Variants in MTSS1 observed in about 807,000 individuals in gnomAD.
The protein encoded by MTSS1 is MTSS I-BAR domain containing 1.
A neutral mutation model predicts 79.0 loss-of-function variants in MTSS1; 18 were observed. The ratio of observed to expected loss-of-function variants is 0.23; its 90% CI spans 0.16 to 0.34. MTSS1 has a LOEUF of 0.34. Among genes scored for constraint, MTSS1 ranks in the 10% least tolerant of loss-of-function variants. MTSS1 has a pLI of 1.00. For synonymous variants in MTSS1, 341 were observed against 368.6 expected (o/e 0.93, Z 0.86); for missense variants, 815 against 986.2 (o/e 0.83, Z 2.33).
rs551852255 is a variant in MTSS1 at position 124,592,178 on chromosome 8, G to A, written c.209-943C>T. Among the ~76,000 whole-genome samples the A allele has an allele frequency of 3.9e-5, 6 of 152,234 alleles. No homozygotes were observed. The East Asian group carries it at 5.8e-4, about 15-fold the overall frequency. On this transcript the variant is annotated intron_variant, in intron 3 of 13. Transcript: ENST00000518547. Reference sequence around the variant, plus strand: ...AGTTGCAGCCCAGTTTGATTTTCCCGAAATTCTCATCATACTTTTCCCCTT... The same window carrying A: ...AGTTGCAGCCCAGTTTGATTTTCCCAAAATTCTCATCATACTTTTCCCCTT...
intron 3 of MTSS1, among the ~76,000 whole-genome samples, chr8:124,602,207 A>ACACACACACACACACATATATATATAT: frequency 7.0e-6 from 1 of 142,240 alleles, no homozygotes; most frequent in Non-Finnish European, 1.5e-5. Context: ...ATATATATAT[A>ACACACACACACACACATATATATATAT]ATTTTTTTTT....
chr8:124,573,827 C>T (rs1455065798), intron 6 of MTSS1, among the ~76,000 whole-genome samples: 3 of 152,154 alleles, frequency 2.0e-5, no homozygotes, highest in Non-Finnish European at 4.4e-5. Flanking sequence ...TGCTAGTTTC[C>T]AGGTCTTGTG....
In MTSS1 at chr8:124,696,278, C is replaced by T. The variant is rs186354912; in HGVS notation, c.208+3248G>A. Among the ~76,000 whole-genome samples, 366 of 152,218 alleles carry T rather than the reference C, an allele frequency of 2.4e-3. 1 individual carries two copies. Among genetic ancestry groups the T allele is most frequent in the African/African-American group, 8.5e-3 (351 of 41,538 alleles). On this transcript the variant is annotated intron_variant, in intron 3 of 13. Coordinates refer to ENST00000518547, the MANE Select transcript of MTSS1 (RefSeq NM_014751.6). ...CTGGGATTACAGGTGTGAGCCACTG[C>T]GCCCAGCCTACTTATTTCAATTTTT...
At chr8:124,555,032 C>T (rs1031770414) in intron 13 of MTSS1, among the ~76,000 whole-genome samples, 2 of 152,050 alleles carry the variant, frequency 1.3e-5, no homozygotes, top group African/African-American at 4.8e-5. Context: ...TCTGTAGAGA[C>T]AAGAGTTTTG....
rs73704196 is a variant in MTSS1 at position 124,694,218 on chromosome 8, C to A, written c.208+5308G>T. Among the ~76,000 whole-genome samples the A allele has an allele frequency of 8.2e-4, 125 of 152,168 alleles. 1 individual carries two copies. The highest frequency in any genetic ancestry group is 2.9e-3 in the African/African-American group (120 of 41,494). On this transcript the variant is annotated intron_variant, in intron 3 of 13. Transcript: ENST00000518547. ...ACACATCAGGGACTTGCGCGGAGTA[C>A]AGAGCGGACGACACACTCCCTCTTA...
Position 124,727,809 on chromosome 8 carries a change from C to G in MTSS1, c.72+75G>C, listed in dbSNP as rs1833959343. The G allele has an allele frequency of 3.8e-6, 5 of 1,331,604 alleles. No homozygotes were observed. Among genetic ancestry groups the G allele is most frequent in the Non-Finnish European group, 4.9e-6 (5 of 1,010,858 alleles). 82.5% of individuals were successfully genotyped at this position (1,331,604 alleles called of 1,614,324 possible). A position where few individuals can be genotyped will look rare whatever the true frequency, so the allele number is the denominator to read the frequency against. On this transcript the variant is annotated intron_variant, in intron 1 of 13. Transcript: ENST00000518547. The surrounding 1 kb of genome is among the most constrained non-coding windows in gnomAD (Gnocchi z 4.7). ...GCAGGGAAGGGCCGGGTGCCCGGCC[C>G]GGGGTGGAGGCGAAGCGCGGCGGCG...
intron 3 of MTSS1, among the ~76,000 whole-genome samples, chr8:124,691,761 C>T (rs565439231): frequency 7.9e-5 from 12 of 152,266 alleles, no homozygotes; most frequent in South Asian, 4.1e-4. Flanking sequence ...AGTGATCCAC[C>T]GGCCCCTGCC....
At chr8:124,723,144 C>G (rs906272604) in intron 1 of MTSS1, among the ~76,000 whole-genome samples, 1 of 152,146 alleles carries the variant, frequency 6.6e-6, no homozygotes, top group African/African-American at 2.4e-5. Flanking sequence ...CAACTGAGAA[C>G]ACATAGCACA....
At chr8:124,645,542 G>A (rs1248597231) in intron 3 of MTSS1, among the ~76,000 whole-genome samples, 1 of 152,196 alleles carries the variant, frequency 6.6e-6, no homozygotes, top group Non-Finnish European at 1.5e-5. Flanking sequence ...AAAGGACGCT[G>A]ATTTGAGAAC....
chr8:124,595,085 G>C lies in MTSS1; in HGVS notation c.209-3850C>G, dbSNP rs141390548. Reference sequence around the variant, plus strand: ...AAGGAACGGACATTTACCATTTTGAGAGCAAACCACCAGGCTGGCCCTATC... The same window carrying C: ...AAGGAACGGACATTTACCATTTTGACAGCAAACCACCAGGCTGGCCCTATC... On this transcript the variant is annotated intron_variant, in intron 3 of 13. Coordinates refer to ENST00000518547, the MANE Select transcript of MTSS1 (RefSeq NM_014751.6). 2.8e-3 allele frequency among the ~76,000 whole-genome samples: 421 copies of C among 152,286 alleles called. 1 individual carries two copies. Among genetic ancestry groups the C allele is most frequent in the African/African-American group, 9.6e-3 (401 of 41,562 alleles).
chr8:124,694,604 T>C (rs1276765222), intron 3 of MTSS1, among the ~76,000 whole-genome samples: 1 of 152,182 alleles, frequency 6.6e-6, no homozygotes, highest in Non-Finnish European at 1.5e-5. Flanking sequence ...TATTAAGTCT[T>C]TTTGTTCTCA....
chr8:124,580,283 A>T (rs1486476098), intron 6 of MTSS1: 1 of 413,056 alleles, frequency 2.4e-6, no homozygotes, highest in East Asian at 3.9e-5. Flanking sequence ...TCTTTTTTCC[A>T]TGAGTCTAAT....
chr8:124,556,303 C>A lies in MTSS1; in HGVS notation c.1333G>T (p.Ala445Ser), dbSNP rs764024228. ...TCAGCTGCTGCAGGTGGGCCGCTGG[C>A]GGTAGTGGGTCCTCCCCCGTTGGGG... ...PDPNGGGPTT[A>S]SGPPAAAEEA... Residue 445 changes from alanine (A) to serine (S), a missense_variant, in exon 12 of 14, where the codon GCC (alanine) becomes TCC (serine). Ala to Ser is a moderately conservative substitution (Grantham distance 99). Transcript: ENST00000518547. The A allele has an allele frequency of 1.2e-6, 2 of 1,614,064 alleles. No homozygotes were observed. The highest frequency in any genetic ancestry group is 8.5e-7 in the Non-Finnish European group (1 of 1,180,024).
chr8:124,675,966 G>A (rs374981537), intron 3 of MTSS1, among the ~76,000 whole-genome samples: 19 of 152,154 alleles, frequency 1.2e-4, no homozygotes, highest in Non-Finnish European at 2.5e-4. Context: ...AGCAGGTGAC[G>A]TCTTTTAAGG....
chr8:124,581,410 T>C lies in MTSS1; in HGVS notation c.460+3677A>G, dbSNP rs1174531574. On this transcript the variant is annotated intron_variant, in intron 6 of 13. Transcript: ENST00000518547. The stretch of plus-strand genomic sequence containing the variant: ...CATTATTATTTTTAAAAATCCCTTA[T>C]AAACTTTTTGTAGTTACAGATGGAA... 2.0e-5 allele frequency among the ~76,000 whole-genome samples: 3 copies of C among 152,052 alleles called. No individual in the cohort carries two copies. The East Asian group carries it at 5.8e-4, about 29-fold the overall frequency.
chr8:124,621,197 C>G (rs1260798755), intron 3 of MTSS1, among the ~76,000 whole-genome samples: 1 of 152,164 alleles, frequency 6.6e-6, no homozygotes, highest in African/African-American at 2.4e-5. Flanking sequence ...AATGTTGAAC[C>G]AGAGATCTAT....
chr8:124,617,112 C>T (rs1490741188), intron 3 of MTSS1, among the ~76,000 whole-genome samples: 2 of 152,198 alleles, frequency 1.3e-5, no homozygotes, highest in African/African-American at 2.4e-5. Context: ...GTGTCTACCG[C>T]TACCACACAT....
chr8:124,651,528 C>T (rs73343959), intron 3 of MTSS1, among the ~76,000 whole-genome samples: 3,021 of 152,176 alleles, frequency 0.02, 94 homozygotes, highest in African/African-American at 0.07. Flanking sequence ...ATTTCCCTAG[C>T]TTAGCCCTCT....
At chr8:124,557,516 T>G (rs55827301) in intron 11 of MTSS1, among the ~76,000 whole-genome samples, 165 bp downstream of exon 11, 16,808 of 152,274 alleles carry the variant, frequency 0.11, 1,062 homozygotes, top group Admixed American at 0.18. Context: ...GGCTGCTTTC[T>G]GCTTCTCCCC....
Sources: gnomAD v4.1 joint callset for allele counts (sites outside exome capture counted in the v4.1 genomes callset) on GRCh38, gnomAD v4.1.1 for gene constraint, Gnocchi (gnomAD v3.1) non-coding constraint, MANE v1.5 for transcripts, NCBI Gene and HGNC (gene_info 2026-07-23, HGNC 2026-07-21) for gene names.